The following NOX4 variants were observed in gnomAD, a reference collection of about 807,000 sequenced individuals.
The protein encoded by NOX4 is kidney oxidase-1.
In NOX4, 69 loss-of-function variants were observed where a neutral mutation model predicts 87.6. The ratio of observed to expected loss-of-function variants is 0.79; its 90% CI spans 0.65 to 0.96. The LOEUF (loss-of-function observed/expected upper bound fraction) is 0.96. NOX4 is among the 40% of genes least tolerant of loss of function. NOX4 has a pLI of 0.00. For missense variants in NOX4, 680 were observed against 681.5 expected, an observed-to-expected ratio of 1.00 and a Z score of 0.02; for synonymous variants, 275 against 238.2, an observed-to-expected ratio of 1.15 and a Z score of -1.42.
At chr11:89,559,032 A>G in the NOX4 span, among the ~76,000 whole-genome samples, 2 of 152,026 alleles carry the variant, frequency 1.3e-5, no homozygotes, top group African/African-American at 4.8e-5. Context: ...TGATCACCAA[A>G]CTTAACATAC....
At chr11:89,438,886 T>TA (rs1944305336) in intron 6 of NOX4, among the ~76,000 whole-genome samples, 2 of 53,702 alleles carry the variant, frequency 3.7e-5, no homozygotes, top group Non-Finnish European at 5.6e-5. Flanking sequence ...ATATATAATA[T>TA]ATTATATATT....
At chr11:89,329,791 A>AT (rs1945393540) in intron 17 of NOX4, among the ~76,000 whole-genome samples, 1 of 152,054 alleles carries the variant, frequency 6.6e-6, no homozygotes, top group Admixed American at 6.6e-5. Flanking sequence ...AAACAAAAAT[A>AT]TTTTTTCAGA....
chr11:89,470,961 C>A (rs946404601), intron 2 of NOX4, among the ~76,000 whole-genome samples: 1 of 152,086 alleles, frequency 6.6e-6, no homozygotes, highest in Non-Finnish European at 1.5e-5. Flanking sequence ...TTCCAACCCC[C>A]AGGATAACTA....
chr11:89,503,517 C>T, the NOX4 span, among the ~76,000 whole-genome samples: 36 of 151,806 alleles, frequency 2.4e-4, 1 homozygote, highest in East Asian at 6.6e-3. Flanking sequence ...ACTGGACATG[C>T]TGTTGTTTTA....
At chr11:89,510,399 T>C in the NOX4 span, among the ~76,000 whole-genome samples, 1 of 152,198 alleles carries the variant, frequency 6.6e-6, no homozygotes, top group Admixed American at 6.6e-5. Flanking sequence ...AAAATACTCT[T>C]CCATATTTCT....
Position 89,326,855 on chromosome 11 carries a change from A to G in NOX4, c.1638T>C (p.Cys546=), listed in dbSNP as rs1590927703. 6.2e-7 allele frequency: 1 copy of G among 1,613,222 alleles called. No individual in the cohort carries two copies. Among genetic ancestry groups the G allele is most frequent in the Non-Finnish European group, 8.5e-7 (1 of 1,179,538 alleles). ...YNRGKTVGVF[C]CGPNSLSKTL... Reference sequence around the variant, plus strand: ...TCTTGGATAGTGAATTGGGTCCACAACAGAAAACACCAACTGTTTTTCTAG... The same window carrying G: ...TCTTGGATAGTGAATTGGGTCCACAGCAGAAAACACCAACTGTTTTTCTAG... The change falls in exon 18 of 18, where the codon TGT becomes TGC. Residue 546 remains cysteine, a synonymous_variant. Coordinates refer to ENST00000263317, the MANE Select transcript of NOX4 (RefSeq NM_016931.5).
intron 2 of NOX4, among the ~76,000 whole-genome samples, chr11:89,458,027 T>C (rs1591306457): frequency 6.6e-6 from 1 of 152,082 alleles, no homozygotes; most frequent in South Asian, 2.1e-4. Flanking sequence ...AAACTACCAA[T>C]GCCAGTCATC....
chr11:89,401,033 CTT>C, intron 9 of NOX4, among the ~76,000 whole-genome samples: 1 of 152,182 alleles, frequency 6.6e-6, no homozygotes, highest in East Asian at 1.9e-4. Flanking sequence ...CACATGCAAA[CTT>C]TGGGAAGTGC....
At chr11:89,451,955 C>A in intron 2 of NOX4, 60 bp from the exon 3 acceptor site, 1 of 1,134,194 alleles carries the variant, frequency 8.8e-7, no homozygotes, top group Non-Finnish European at 1.3e-6. Context: ...CCTGTCCTGG[C>A]TCTAGAAGCT....
the NOX4 span, among the ~76,000 whole-genome samples, chr11:89,535,481 C>T: frequency 6.6e-6 from 1 of 152,186 alleles, no homozygotes; most frequent in Admixed American, 6.5e-5. Flanking sequence ...TTTTCTACCT[C>T]CCTCAAAAAA....
At chr11:89,549,351 C>T in the NOX4 span, among the ~76,000 whole-genome samples, 2 of 152,182 alleles carry the variant, frequency 1.3e-5, no homozygotes, top group African/African-American at 2.4e-5. Flanking sequence ...ATCAGCCCAT[C>T]CTTGAAGCTC....
At chr11:89,416,094 A>G (rs1942754179) in intron 8 of NOX4, among the ~76,000 whole-genome samples, 1 of 152,184 alleles carries the variant, frequency 6.6e-6, no homozygotes. Flanking sequence ...GCCTAGGAGT[A>G]GGTAGAATAC....
chr11:89,406,618 T>C (rs1017036922), intron 8 of NOX4, among the ~76,000 whole-genome samples: 2 of 152,122 alleles, frequency 1.3e-5, no homozygotes, highest in African/African-American at 4.8e-5. Flanking sequence ...CAATAGAGCT[T>C]TCTGTGATAG....
chr11:89,327,602 C>T (rs936482771), intron 17 of NOX4, among the ~76,000 whole-genome samples: 14 of 152,078 alleles, frequency 9.2e-5, no homozygotes, highest in African/African-American at 3.1e-4. Context: ...ACCTTCTTCC[C>T]AAGTTTGATT....
intron 13 of NOX4, among the ~76,000 whole-genome samples, chr11:89,345,136 T>C (rs1420454084): frequency 6.6e-6 from 1 of 152,158 alleles, no homozygotes; most frequent in Non-Finnish European, 1.5e-5. Context: ...TTACTGTGTA[T>C]CAGAATTTCC....
chr11:89,576,971 A>G, the NOX4 span: 4 of 152,140 alleles, frequency 2.6e-5, no homozygotes, highest in Non-Finnish European at 5.9e-5. Flanking sequence ...TGCCATTTAT[A>G]TAACATGTGA....
chr11:89,480,243 T>C (rs186907097), intron 2 of NOX4, among the ~76,000 whole-genome samples: 1 of 151,936 alleles, frequency 6.6e-6, no homozygotes, highest in African/African-American at 2.4e-5. Flanking sequence ...TTGACTGCCA[T>C]TTTTTTTGGC....
At chr11:89,520,877 G>A in the NOX4 span, among the ~76,000 whole-genome samples, 1 of 152,108 alleles carries the variant, frequency 6.6e-6, no homozygotes, top group Admixed American at 6.6e-5. Flanking sequence ...ACAAAAATCA[G>A]TGGCATTTCT....
At chr11:89,388,726 G>A (rs1297354709) in intron 11 of NOX4, among the ~76,000 whole-genome samples, 1 of 152,110 alleles carries the variant, frequency 6.6e-6, no homozygotes, top group African/African-American at 2.4e-5. Context: ...TCAAATGACT[G>A]TTTCTACACC....
Sources: gnomAD v4.1 joint callset for allele counts (sites outside exome capture counted in the v4.1 genomes callset) on GRCh38, gnomAD v4.1.1 for gene constraint, MANE v1.5 for transcripts, NCBI Gene and HGNC (gene_info 2026-07-23, HGNC 2026-07-21) for gene names.